NOVA1: variants seen among roughly 807,000 people sequenced by gnomAD.
NOVA1 encodes RNA-binding protein Nova-1.
In NOVA1, 7 loss-of-function variants were observed where a neutral mutation model predicts 38.0. The ratio of observed to expected loss-of-function variants is 0.18; its 90% CI spans 0.10 to 0.35. The LOEUF (loss-of-function observed/expected upper bound fraction) is 0.35. NOVA1 is among the 10% of genes least tolerant of loss of function. The probability of loss-of-function intolerance (pLI) is 1.00; values close to 1 mark genes in which losing one functional copy is unlikely to be tolerated. For synonymous variants in NOVA1, 270 were observed against 232.5 expected, an observed-to-expected ratio of 1.16 and a Z score of -1.47; for missense variants, 460 against 616.0, an observed-to-expected ratio of 0.75 and a Z score of 2.68.
chr14:26,503,305 A>G (rs1031662029), intron 2 of NOVA1, among the ~76,000 whole-genome samples: 1 of 152,086 alleles, frequency 6.6e-6, no homozygotes, highest in African/African-American at 2.4e-5. Context: ...ACACACCCAC[A>G]TGCACACATA....
At position 26,562,898 on chromosome 14, in the gene NOVA1, G is replaced by A. The variant is rs182351718; in HGVS notation, c.280+32512C>T. Among the ~76,000 whole-genome samples, 14 of 152,210 alleles carry A rather than the reference G, an allele frequency of 9.2e-5. No individual in the cohort carries two copies. In the East Asian group the frequency reaches 2.7e-3, roughly 29 times the overall value. On this transcript the variant is annotated intron_variant, in intron 2 of 4. Coordinates refer to ENST00000539517, the MANE Select transcript of NOVA1 (RefSeq NM_002515.3). ...CAGGCAAAACAGAGAGGAGTCAAGG[G>A]ACAAGGTTAAAATGGACAGAAGCGG...
rs566970552 is a variant in NOVA1, at chr14:26,497,732, T to C, written c.281-17589A>G. Among the ~76,000 whole-genome samples the C allele has an allele frequency of 2.0e-5, 3 of 152,292 alleles. No homozygotes were observed. The South Asian group carries it at 6.2e-4, about 32-fold the overall frequency. On this transcript the variant is annotated intron_variant, in intron 2 of 4. Transcript: ENST00000539517. ...TGCATGGAAAAAGATTCAAATGAAC[T>C]GATTTCCTGAACTAGTCAAGTAAGG...
rs554934905 is a variant in NOVA1 at position 26,511,493 on chromosome 14, C to T, written c.281-31350G>A. Among the ~76,000 whole-genome samples the T allele has an allele frequency of 4.7e-3, 721 of 152,156 alleles. 2 individuals are homozygous for T. The highest frequency in any genetic ancestry group is 0.017 in the Middle Eastern group (5 of 294). On this transcript the variant is annotated intron_variant, in intron 2 of 4. Coordinates refer to ENST00000539517, the MANE Select transcript of NOVA1 (RefSeq NM_002515.3). Reference sequence around the variant, plus strand: ...TTTAAAGAAGAGCTTCCTGGCCGGGCGCGGTGACTCATGCCTGTAATCCCA... The same window carrying T: ...TTTAAAGAAGAGCTTCCTGGCCGGGTGCGGTGACTCATGCCTGTAATCCCA...
chr14:26,481,648 G>GT (rs1594371971), intron 2 of NOVA1, among the ~76,000 whole-genome samples: 1 of 152,102 alleles, frequency 6.6e-6, no homozygotes, highest in East Asian at 1.9e-4. Flanking sequence ...CATTTGTAAG[G>GT]GTGGATAAAG....
intron 2 of NOVA1, among the ~76,000 whole-genome samples, chr14:26,516,906 C>CTTTGCCTCT (rs1555324552): frequency 1.5e-5 from 2 of 135,588 alleles, no homozygotes; most frequent in East Asian, 4.4e-4. Context: ...GACTTTGCCT[C>CTTTGCCTCT]TTTTTTTTTT....
chr14:26,566,346 T>C (rs1402120041), intron 2 of NOVA1, among the ~76,000 whole-genome samples: 1 of 151,748 alleles, frequency 6.6e-6, no homozygotes, highest in African/African-American at 2.4e-5. Flanking sequence ...ACAGAGTATA[T>C]TTATATACAT....
intron 4 of NOVA1, among the ~76,000 whole-genome samples, chr14:26,465,857 C>G (rs180910324): frequency 6.6e-6 from 1 of 152,102 alleles, no homozygotes; most frequent in Non-Finnish European, 1.5e-5. Context: ...ATGCAATTTA[C>G]TTTACTCAGA....
intron 2 of NOVA1, among the ~76,000 whole-genome samples, chr14:26,484,378 G>A (rs1885705653): frequency 7.5e-6 from 1 of 132,742 alleles, no homozygotes; most frequent in Admixed American, 8.4e-5. Context: ...GGAGCTTGCA[G>A]TGAGCCAAGA....
intron 2 of NOVA1, among the ~76,000 whole-genome samples, chr14:26,509,913 C>A (rs1339213327): frequency 6.6e-6 from 1 of 152,108 alleles, no homozygotes; most frequent in African/African-American, 2.4e-5. Flanking sequence ...CTCCTGACCT[C>A]GGGTGATATG....
intron 2 of NOVA1, among the ~76,000 whole-genome samples, chr14:26,495,415 T>A (rs548321641): frequency 1.8e-4 from 27 of 152,310 alleles, no homozygotes; most frequent in African/African-American, 6.3e-4. Context: ...GCCTACTACT[T>A]AGCAAGTTGT....
At chr14:26,525,466 G>T (rs1889230308) in intron 2 of NOVA1, among the ~76,000 whole-genome samples, 1 of 152,124 alleles carries the variant, frequency 6.6e-6, no homozygotes, top group African/African-American at 2.4e-5. Flanking sequence ...GACAGTCTTA[G>T]TAAAAACACT....
chr14:26,587,051 T>C (rs187813823), intron 2 of NOVA1, among the ~76,000 whole-genome samples: 132 of 150,844 alleles, frequency 8.8e-4, no homozygotes, highest in Admixed American at 2.3e-3. Flanking sequence ...CCTACCACAA[T>C]TGCACCACAA....
chr14:26,543,820 A>C (rs1198787649), intron 2 of NOVA1, among the ~76,000 whole-genome samples: 2 of 151,984 alleles, frequency 1.3e-5, no homozygotes, highest in Non-Finnish European at 2.9e-5. Flanking sequence ...ACTAGAAATG[A>C]GGTGACAGAT....
rs1235587645 is a variant in NOVA1, at chr14:26,597,518, T to C, written c.-82A>G. The C allele has an allele frequency of 3.4e-6, 4 of 1,162,132 alleles. No homozygotes were observed. Among genetic ancestry groups the C allele is most frequent in the Non-Finnish European group, 3.2e-6 (3 of 937,818 alleles). The allele number at this position is 1,162,132 out of a possible 1,614,324, so 72.0% of individuals were successfully genotyped here. A position where few individuals can be genotyped will look rare whatever the true frequency, so the allele number is the denominator to read the frequency against. On this transcript the variant is annotated 5_prime_UTR_variant, in exon 1 of 5. Coordinates refer to ENST00000539517, the MANE Select transcript of NOVA1 (RefSeq NM_002515.3). ...TTCTTTTCTTTTTTCTTTTTTTTTT[T>C]TTTTTTTTTTTGCGTTTGGGGTTTC... is the stretch of plus-strand genomic sequence containing the variant.
At chr14:26,595,368 T>C (rs1376563292) in intron 2 of NOVA1, 42 bp downstream of exon 2, 1 of 1,586,916 alleles carries the variant, frequency 6.3e-7, no homozygotes. Context: ...CTTTCTTTCC[T>C]GTGGGGAGCT....
chr14:26,550,212 T>G (rs1429183207), intron 2 of NOVA1, among the ~76,000 whole-genome samples: 1 of 152,170 alleles, frequency 6.6e-6, no homozygotes, highest in Non-Finnish European at 1.5e-5. Context: ...AGCTAATTAT[T>G]TTTTGGTTCA....
At chr14:26,584,918 A>G (rs1450167586) in intron 2 of NOVA1, among the ~76,000 whole-genome samples, 1 of 151,456 alleles carries the variant, frequency 6.6e-6, no homozygotes, top group Non-Finnish European at 1.5e-5. Flanking sequence ...ACTTAGTTCT[A>G]ACCCCAACAA....
chr14:26,490,128 C>T (rs1263597700), intron 2 of NOVA1, among the ~76,000 whole-genome samples: 1 of 152,142 alleles, frequency 6.6e-6, no homozygotes, highest in Non-Finnish European at 1.5e-5. Context: ...TGGTGTCTGG[C>T]TTATTTTACT....
At chr14:26,594,734 TACC>T (rs57098386) in intron 2 of NOVA1, among the ~76,000 whole-genome samples, 1,539 of 151,470 alleles carry the variant, frequency 0.01, 24 homozygotes, top group African/African-American at 0.035. Flanking sequence ...AAAAAATTTA[TACC>T]ACCAAGGAAA....
Sources: gnomAD v4.1 joint callset for allele counts (sites outside exome capture counted in the v4.1 genomes callset) on GRCh38, gnomAD v4.1.1 for gene constraint, MANE v1.5 for transcripts, NCBI Gene and HGNC (gene_info 2026-07-23, HGNC 2026-07-21) for gene names.